The following GPATCH2 variants were observed in gnomAD, a reference collection of about 807,000 sequenced individuals.
GPATCH2 encodes the protein G patch domain-containing protein 2.
GPATCH2 carries 51 observed loss-of-function variants against 58.0 expected under a neutral mutation model. The ratio of observed to expected loss-of-function variants is 0.88; its 90% CI spans 0.70 to 1.11. The LOEUF (loss-of-function observed/expected upper bound fraction) is 1.11. Among genes scored for constraint, GPATCH2 ranks in the 50% most tolerant of loss-of-function variants. The probability of loss-of-function intolerance (pLI) is 0.00; values close to 1 mark genes in which losing one functional copy is unlikely to be tolerated. For missense variants in GPATCH2, 625 were observed against 652.2 expected (o/e 0.96, Z 0.45); for synonymous variants, 222 against 218.5 (o/e 1.02, Z -0.14).
At chr1:217,577,740 TTATTA>T (rs201580803) in intron 5 of GPATCH2, among the ~76,000 whole-genome samples, 2,791 of 151,864 alleles carry the variant, frequency 0.018, 39 homozygotes, top group Middle Eastern at 0.09. Context: ...GTTTTACTTA[TTATTA>T]TTATTATTAT....
intron 5 of GPATCH2, among the ~76,000 whole-genome samples, chr1:217,579,939 ACTAGTT>A: frequency 6.6e-6 from 1 of 152,202 alleles, no homozygotes; most frequent in East Asian, 1.9e-4. Context: ...TATGGTAGCC[ACTAGTT>A]ATATGTGGCT....
chr1:217,501,457 G>A (rs1662300727), intron 6 of GPATCH2, among the ~76,000 whole-genome samples: 1 of 152,064 alleles, frequency 6.6e-6, no homozygotes, highest in African/African-American at 2.4e-5. Context: ...TGGGATCAAT[G>A]ACCAAGAGTG....
intron 8 of GPATCH2, among the ~76,000 whole-genome samples, chr1:217,485,435 C>T (rs1016279735): frequency 1.3e-4 from 19 of 150,942 alleles, no homozygotes; most frequent in African/African-American, 3.7e-4. Flanking sequence ...ACATGGTGTA[C>T]GGTGTTAGGT....
At chr1:217,590,834 C>T (rs1187332183) in intron 5 of GPATCH2, among the ~76,000 whole-genome samples, 1 of 151,928 alleles carries the variant, frequency 6.6e-6, no homozygotes, top group African/African-American at 2.4e-5. Flanking sequence ...TTTATTATTC[C>T]TATTATAGGG....
At chr1:217,552,177 G>A (rs1156544266) in intron 5 of GPATCH2, among the ~76,000 whole-genome samples, 3 of 151,890 alleles carry the variant, frequency 2.0e-5, no homozygotes, top group Non-Finnish European at 2.9e-5. Flanking sequence ...CTATGTATAT[G>A]AATAAAACCT....
At chr1:217,540,817 C>T (rs1166768987) in intron 5 of GPATCH2, among the ~76,000 whole-genome samples, 2 of 152,214 alleles carry the variant, frequency 1.3e-5, no homozygotes, top group African/African-American at 2.4e-5. Flanking sequence ...AGAATAACAG[C>T]TTCCAAGGTG....
chr1:217,457,564 C>T (rs990586038), intron 8 of GPATCH2, among the ~76,000 whole-genome samples: 7 of 152,134 alleles, frequency 4.6e-5, no homozygotes, highest in Admixed American at 4.6e-4. Context: ...AAGGCACTTT[C>T]CATACAATAC....
At chr1:217,604,211 C>T (rs1052653188) in intron 5 of GPATCH2, among the ~76,000 whole-genome samples, 1 of 151,560 alleles carries the variant, frequency 6.6e-6, no homozygotes, top group Non-Finnish European at 1.5e-5. Flanking sequence ...ATTAGCAGTG[C>T]ACAGTGGCAC....
At chr1:217,527,781 G>A (rs1049948818) in intron 5 of GPATCH2, among the ~76,000 whole-genome samples, 1 of 152,180 alleles carries the variant, frequency 6.6e-6, no homozygotes, top group Admixed American at 6.5e-5. Flanking sequence ...TCACTAATAA[G>A]AGAGGAGATA....
chr1:217,518,493 G>A (rs866243242), intron 5 of GPATCH2, among the ~76,000 whole-genome samples: 3 of 152,076 alleles, frequency 2.0e-5, no homozygotes, highest in African/African-American at 7.2e-5. Context: ...TTGGTTTTAT[G>A]TCTCATTTTC....
chr1:217,498,472 CTTTAAGAA>C, intron 6 of GPATCH2, 77 bp from the exon 7 acceptor site: 1 of 1,076,026 alleles, frequency 9.3e-7, no homozygotes, highest in Non-Finnish European at 1.4e-6. Flanking sequence ...GCCGCATGTG[CTTTAAGAA>C]ATTTGTCACC....
chr1:217,606,339 A>G (rs989314174), intron 5 of GPATCH2, among the ~76,000 whole-genome samples: 12 of 152,036 alleles, frequency 7.9e-5, no homozygotes, highest in Admixed American at 5.2e-4. Context: ...AATTTATTTG[A>G]AACTATGATT....
At chr1:217,569,718 TTAAA>T (rs1339682061) in intron 5 of GPATCH2, among the ~76,000 whole-genome samples, 1 of 151,756 alleles carries the variant, frequency 6.6e-6, no homozygotes, top group Non-Finnish European at 1.5e-5. Context: ...TTAAATGAAA[TTAAA>T]TAAGGCCAAA....
At chr1:217,596,753 CAGA>C (rs1410137973) in intron 5 of GPATCH2, among the ~76,000 whole-genome samples, 4 of 152,112 alleles carry the variant, frequency 2.6e-5, no homozygotes, top group African/African-American at 9.7e-5. Context: ...GTTAAAGTCA[CAGA>C]AGCTCTATTT....
At chr1:217,605,054 G>T (rs1558519038) in intron 5 of GPATCH2, among the ~76,000 whole-genome samples, 2 of 151,000 alleles carry the variant, frequency 1.3e-5, no homozygotes, top group East Asian at 3.9e-4. Context: ...AAAATAAATG[G>T]CCCTTCTGCT....
intron 6 of GPATCH2, among the ~76,000 whole-genome samples, chr1:217,511,910 C>G (rs1002886482): frequency 6.6e-6 from 1 of 151,998 alleles, no homozygotes; most frequent in Non-Finnish European, 1.5e-5. Context: ...ATGTGGTGTC[C>G]TGTGGCTTCT....
intron 6 of GPATCH2, among the ~76,000 whole-genome samples, chr1:217,513,727 G>A (rs79349758): frequency 0.026 from 4,007 of 152,034 alleles, 79 homozygotes; most frequent in East Asian, 0.076. Flanking sequence ...TCCTTTTGTT[G>A]CAAAATGGAA....
intron 5 of GPATCH2, among the ~76,000 whole-genome samples, chr1:217,597,780 TC>T (rs1369000351): frequency 1.3e-5 from 2 of 152,166 alleles, no homozygotes; most frequent in African/African-American, 4.8e-5. Flanking sequence ...GCTAGTGGAC[TC>T]CATTCTATCC....
At chr1:217,512,388 A>G (rs559547705) in intron 6 of GPATCH2, among the ~76,000 whole-genome samples, 1 of 152,318 alleles carries the variant, frequency 6.6e-6, no homozygotes, top group Admixed American at 6.5e-5. Context: ...ATAATTAGGG[A>G]ATGGCATTGG....
Sources: gnomAD v4.1 joint callset for allele counts (sites outside exome capture counted in the v4.1 genomes callset) on GRCh38, gnomAD v4.1.1 for gene constraint, MANE v1.5 for transcripts, NCBI Gene and HGNC (gene_info 2026-07-23, HGNC 2026-07-21) for gene names.